Variants in ANO4 observed in about 807,000 individuals in gnomAD.
The protein encoded by ANO4 is anoctamin-4.
ANO4 carries 69 observed loss-of-function variants against 141.9 expected under a neutral mutation model. That is an observed-to-expected ratio of 0.49 (90% CI 0.40 to 0.59). The LOEUF (loss-of-function observed/expected upper bound fraction) is 0.59. Among genes scored for constraint, ANO4 ranks in the 20% least tolerant of loss-of-function variants. The pLI, the probability that ANO4 is intolerant of heterozygous loss-of-function variation, is 0.00. For synonymous variants in ANO4, 350 were observed against 394.3 expected (o/e 0.89, Z 1.33); for missense variants, 894 against 1,162.2 (o/e 0.77, Z 3.36).
At chr12:101,057,161 A>T (rs1193428089) in intron 14 of ANO4, among the ~76,000 whole-genome samples, 2 of 151,778 alleles carry the variant, frequency 1.3e-5, no homozygotes, top group African/African-American at 4.9e-5. Context: ...AGCTTCATCC[A>T]TGTCCCTGAA....
At chr12:100,769,443 C>T (rs1277942759) in intron 3 of ANO4, among the ~76,000 whole-genome samples, 1 of 152,018 alleles carries the variant, frequency 6.6e-6, no homozygotes, top group Non-Finnish European at 1.5e-5. Context: ...AAGAGGATAC[C>T]CTGGGGTTTC....
chr12:100,778,199 G>C, intron 3 of ANO4, among the ~76,000 whole-genome samples: 1 of 152,132 alleles, frequency 6.6e-6, no homozygotes, highest in East Asian at 1.9e-4. Context: ...GATTACAGGT[G>C]TAAGCCACTG....
chr12:101,038,442 T>TG (rs1566160771), intron 10 of ANO4: 2 of 152,206 alleles, frequency 1.3e-5, no homozygotes. Context: ...TCTGAGGAGA[T>TG]GCAGCTACAA....
intron 1 of ANO4, among the ~76,000 whole-genome samples, chr12:100,849,923 G>T (rs928811902): frequency 6.6e-6 from 1 of 152,048 alleles, no homozygotes; most frequent in African/African-American, 2.4e-5. Flanking sequence ...AAATACCTGG[G>T]ACCTTGTGGG....
chr12:100,991,818 C>A (rs2045123760), intron 8 of ANO4, among the ~76,000 whole-genome samples: 1 of 152,012 alleles, frequency 6.6e-6, no homozygotes, highest in Admixed American at 6.6e-5. Flanking sequence ...TAGATAGAAA[C>A]AAAAGTAGGA....
At chr12:101,005,840 A>G (rs1383414215) in intron 8 of ANO4, among the ~76,000 whole-genome samples, 1 of 152,040 alleles carries the variant, frequency 6.6e-6, no homozygotes, top group Non-Finnish European at 1.5e-5. Flanking sequence ...CAATTCTAGG[A>G]TATTACTTTT....
intron 2 of ANO4, among the ~76,000 whole-genome samples, chr12:100,908,290 G>A (rs752981951): frequency 7.2e-5 from 11 of 152,214 alleles, no homozygotes; most frequent in South Asian, 2.1e-4. Flanking sequence ...CGGAGGTTGC[G>A]GTGTGCCAAG....
chr12:100,738,494 G>A (rs557777592), intron 2 of ANO4, among the ~76,000 whole-genome samples: 1 of 152,036 alleles, frequency 6.6e-6, no homozygotes. Flanking sequence ...AAAAAGACTT[G>A]TTAGCTGTGT....
At chr12:100,981,455 G>GAAGGAAGA (rs1219530790) in intron 7 of ANO4, among the ~76,000 whole-genome samples, 1 of 146,476 alleles carries the variant, frequency 6.8e-6, no homozygotes, top group African/African-American at 2.5e-5. Context: ...AGGAAGGAAG[G>GAAGGAAGA]AAGGAAGAAA....
chr12:101,046,683 G>T (rs1173949453), intron 13 of ANO4, among the ~76,000 whole-genome samples: 1 of 152,138 alleles, frequency 6.6e-6, no homozygotes. Context: ...GGGAACCGGA[G>T]CCCCTATAAC....
At chr12:100,972,503 T>C (rs373447507) in intron 6 of ANO4, among the ~76,000 whole-genome samples, 4 of 152,148 alleles carry the variant, frequency 2.6e-5, no homozygotes, top group African/African-American at 9.7e-5. Context: ...ATAATAAATA[T>C]AGTTCTGATC....
intron 1 of ANO4, among the ~76,000 whole-genome samples, chr12:100,883,820 C>T (rs1281849893): frequency 6.6e-6 from 1 of 152,166 alleles, no homozygotes; most frequent in Non-Finnish European, 1.5e-5. Flanking sequence ...TGGATATGTG[C>T]CTTGTTTTGA....
intron 5 of ANO4, among the ~76,000 whole-genome samples, chr12:100,967,879 G>A (rs1434155508): frequency 2.0e-5 from 3 of 152,110 alleles, no homozygotes; most frequent in Non-Finnish European, 4.4e-5. Context: ...TTAAACTTCA[G>A]AAGTTATCAG....
chr12:100,865,588 A>C (rs1018198319), intron 1 of ANO4, among the ~76,000 whole-genome samples: 1 of 152,204 alleles, frequency 6.6e-6, no homozygotes, highest in African/African-American at 2.4e-5. Flanking sequence ...GAGAAATGCA[A>C]ATCAAAAGCA....
chr12:100,909,033 A>G (rs1349849525), intron 2 of ANO4, among the ~76,000 whole-genome samples: 1 of 152,224 alleles, frequency 6.6e-6, no homozygotes, highest in East Asian at 1.9e-4. Context: ...CATGTCCAAG[A>G]GAGACAATCA....
At chr12:100,786,341 G>A (rs1379532832) in intron 3 of ANO4, among the ~76,000 whole-genome samples, 2 of 151,664 alleles carry the variant, frequency 1.3e-5, no homozygotes, top group Non-Finnish European at 3.0e-5. Flanking sequence ...CTTCCTGTGA[G>A]GTAGGAAAAG....
intron 14 of ANO4, among the ~76,000 whole-genome samples, chr12:101,062,431 T>C (rs1305909087): frequency 6.6e-6 from 1 of 152,210 alleles, no homozygotes; most frequent in Non-Finnish European, 1.5e-5. Flanking sequence ...GATCTGCTGC[T>C]CTCTTCAGAG....
At chr12:100,874,915 C>G (rs992241865) in intron 1 of ANO4, among the ~76,000 whole-genome samples, 5 of 152,046 alleles carry the variant, frequency 3.3e-5, no homozygotes, top group African/African-American at 1.2e-4. Flanking sequence ...GTGTATTTCC[C>G]CAATGCCTGT....
rs897355154 is a variant in ANO4, at chr12:101,051,661, C to T, written c.1312+3260C>T. ...GCCCATGTATCATCTCATTTAATCT[C>T]TCCAGCAAGCTTTTAAAAAGGTACT... On this transcript the variant is annotated intron_variant, in intron 14 of 27. Coordinates refer to ENST00000392977, the MANE Select transcript of ANO4 (RefSeq NM_001286615.2). 7.4e-4 allele frequency among the ~76,000 whole-genome samples: 112 copies of T among 152,190 alleles called. 1 individual carries two copies. The highest frequency in any genetic ancestry group is 1.5e-4 in the Non-Finnish European group (10 of 68,042).
Sources: gnomAD v4.1 joint callset for allele counts (sites outside exome capture counted in the v4.1 genomes callset) on GRCh38, gnomAD v4.1.1 for gene constraint, MANE v1.5 for transcripts, NCBI Gene and HGNC (gene_info 2026-07-23, HGNC 2026-07-21) for gene names.